Variants in MYO10 observed in about 807,000 individuals in gnomAD.
The protein encoded by MYO10 is myosin X.
A neutral mutation model predicts 257.3 loss-of-function variants in MYO10; 133 were observed. That is an observed-to-expected ratio of 0.52 (90% confidence interval 0.45 to 0.60). The LOEUF is 0.60. MYO10 is among the 20% of genes least tolerant of loss of function. The pLI is 0.00. For missense variants in MYO10, 2,399 were observed against 2,635.7 expected (o/e 0.91, Z 1.97); for synonymous variants, 1,104 against 1,028.6 (o/e 1.07, Z -1.40).
At position 16,725,787 on chromosome 5, in the gene MYO10, C is replaced by CTTT. The variant is rs35020175; in HGVS notation, c.1930-14545_1930-14543dup. 1.5e-3 allele frequency among the ~76,000 whole-genome samples: 206 copies of CTTT among 138,288 alleles called. 2 individuals are homozygous for CTTT. The highest frequency in any genetic ancestry group is 4.1e-3 in the South Asian group (18 of 4,352). The allele number at this position is 138,288 out of a possible 152,430, so 90.7% of individuals were successfully genotyped here. A position where few individuals can be genotyped will look rare whatever the true frequency, so the allele number is the denominator to read the frequency against. ...AGGCCAGAGAAGCAACAGGTACCCC[C>CTTT]TTTTTTTTTTTTTTTTGTGAGGCGG... On this transcript the variant is annotated intron_variant, in intron 19 of 40. Transcript: ENST00000513610.
chr5:16,789,906 T>C (rs991158911), intron 4 of MYO10, among the ~76,000 whole-genome samples: 3 of 152,192 alleles, frequency 2.0e-5, no homozygotes, highest in Non-Finnish European at 4.4e-5. Flanking sequence ...GGGCCTCGGC[T>C]TCCCTACAGA....
At chr5:16,760,479 C>CAA (rs1170537405) in intron 17 of MYO10, among the ~76,000 whole-genome samples, 3 of 147,020 alleles carry the variant, frequency 2.0e-5, no homozygotes, top group Non-Finnish European at 4.5e-5. Flanking sequence ...AAAAACAAAC[C>CAA]AAAAAAAAAC....
chr5:16,865,027 C>A lies in MYO10; in HGVS notation c.120+12582G>T, dbSNP rs182957363. Among the ~76,000 whole-genome samples, 288 of 151,882 alleles carry A rather than the reference C, an allele frequency of 1.9e-3. 1 individual carries two copies. Among genetic ancestry groups the A allele is most frequent in the African/African-American group, 6.6e-3 (272 of 41,478 alleles). ...CAGAGGTGGGTATTTCCAGGAGCAA[C>A]AGCAAAATGTGGGAAAAGCACAGAG... On this transcript the variant is annotated intron_variant, in intron 2 of 40. Coordinates refer to ENST00000513610, the MANE Select transcript of MYO10 (RefSeq NM_012334.3).
At chr5:16,684,083 CCT>C (rs1235790500) in intron 29 of MYO10, 148 bp from the exon 30 acceptor site, 2 of 716,008 alleles carry the variant, frequency 2.8e-6, no homozygotes, top group Admixed American at 2.4e-5. Context: ...TGAGACGACT[CCT>C]CTGTTGTGTG....
intron 3 of MYO10, among the ~76,000 whole-genome samples, chr5:16,811,824 T>TA (rs1460533206): frequency 6.6e-6 from 1 of 152,204 alleles, no homozygotes; most frequent in African/African-American, 2.4e-5. Context: ...GAGCTGGGAT[T>TA]ACAAGCATGA....
chr5:16,796,515 A>C (rs1741978568), intron 3 of MYO10, among the ~76,000 whole-genome samples: 1 of 151,058 alleles, frequency 6.6e-6, no homozygotes, highest in Non-Finnish European at 1.5e-5. Flanking sequence ...AAATAAATAA[A>C]TAGAGGCTAC....
At chr5:16,830,121 A>G (rs1002176059) in intron 2 of MYO10, among the ~76,000 whole-genome samples, 2 of 151,980 alleles carry the variant, frequency 1.3e-5, no homozygotes, top group African/African-American at 2.4e-5. Context: ...CTTTAGTCCC[A>G]GCTACTTGGG....
At chr5:16,738,764 G>T (rs1229708216) in intron 19 of MYO10, among the ~76,000 whole-genome samples, 1 of 151,732 alleles carries the variant, frequency 6.6e-6, no homozygotes, top group Non-Finnish European at 1.5e-5. Flanking sequence ...GGTGGTGCAC[G>T]CCTGTAATCC....
At chr5:16,695,831 C>A (rs922383632) in intron 26 of MYO10, among the ~76,000 whole-genome samples, 7 of 152,218 alleles carry the variant, frequency 4.6e-5, no homozygotes, top group African/African-American at 1.7e-4. Flanking sequence ...AGACAGTGCA[C>A]TTGCTTCACT....
intron 1 of MYO10, among the ~76,000 whole-genome samples, chr5:16,882,171 CTA>C (rs1177176754): frequency 6.6e-6 from 1 of 152,098 alleles, no homozygotes; most frequent in African/African-American, 2.4e-5. Context: ...TAAAGCAATC[CTA>C]TAAGACAGAG....
chr5:16,885,025 G>T (rs894272399), intron 1 of MYO10, among the ~76,000 whole-genome samples: 83 of 152,090 alleles, frequency 5.5e-4, no homozygotes, highest in Non-Finnish European at 2.4e-4. Context: ...TATCGCTGGG[G>T]CAGACCTAAT....
intron 9 of MYO10, among the ~76,000 whole-genome samples, chr5:16,775,635 C>T (rs1251566804): frequency 6.6e-6 from 1 of 152,162 alleles, no homozygotes; most frequent in Non-Finnish European, 1.5e-5. Context: ...CAGAGTCTTG[C>T]TCTGTCGCCC....
At chr5:16,805,514 GACA>G (rs889438834) in intron 3 of MYO10, among the ~76,000 whole-genome samples, 6 of 148,142 alleles carry the variant, frequency 4.1e-5, no homozygotes, top group Non-Finnish European at 8.9e-5. Flanking sequence ...AGGTCTATGA[GACA>G]ACATTTGCCA....
intron 27 of MYO10, among the ~76,000 whole-genome samples, chr5:16,690,884 G>A (rs187012498): frequency 1.1e-4 from 16 of 152,214 alleles, no homozygotes; most frequent in African/African-American, 3.6e-4. Context: ...GGGTAAAACA[G>A]CAGCAGATGT....
chr5:16,781,104 G>C (rs1047888436), intron 6 of MYO10, among the ~76,000 whole-genome samples: 1 of 146,134 alleles, frequency 6.8e-6, no homozygotes, highest in African/African-American at 2.5e-5. Context: ...TTTTAACACA[G>C]TGTCTCGCTC....
At chr5:16,667,488 C>T (rs1736228531) in intron 40 of MYO10, among the ~76,000 whole-genome samples, 2 of 152,202 alleles carry the variant, frequency 1.3e-5, no homozygotes, top group South Asian at 2.1e-4. Flanking sequence ...TTATGCCATG[C>T]ACAATCAAAG....
At chr5:16,787,609 TAAA>T (rs70940401) in intron 4 of MYO10, among the ~76,000 whole-genome samples, 19,525 of 124,384 alleles carry the variant, frequency 0.16, 1,485 homozygotes, top group Middle Eastern at 0.19. Flanking sequence ...TGTTTTGCTT[TAAA>T]AAAAAAAAAA....
chr5:16,699,943 T>C (rs142326036), intron 25 of MYO10, among the ~76,000 whole-genome samples: 3 of 152,282 alleles, frequency 2.0e-5, no homozygotes, highest in Non-Finnish European at 4.4e-5. Context: ...AGACAAGATA[T>C]ACTTGAATCC....
At chr5:16,890,930 C>T (rs916369027) in intron 1 of MYO10, among the ~76,000 whole-genome samples, 8 of 151,790 alleles carry the variant, frequency 5.3e-5, no homozygotes, top group Non-Finnish European at 8.8e-5. Context: ...TAGAAGAAGG[C>T]AGTCACAAAG....
Sources: gnomAD v4.1 joint callset for allele counts (sites outside exome capture counted in the v4.1 genomes callset) on GRCh38, gnomAD v4.1.1 for gene constraint, MANE v1.5 for transcripts, NCBI Gene and HGNC (gene_info 2026-07-23, HGNC 2026-07-21) for gene names.